Variants in RAB38 observed in about 807,000 individuals in gnomAD.
RAB38 encodes RAB38, member RAS oncogene family.
In RAB38, 15 loss-of-function variants were observed where a neutral mutation model predicts 18.4. The observed-to-expected ratio is 0.82, with a 90% confidence interval of 0.55 to 1.26. RAB38 has a LOEUF of 1.26. Ranked by LOEUF, RAB38 falls within the 50% of genes most tolerant of loss-of-function variation. RAB38 has a pLI of 0.00. For synonymous variants in RAB38, 101 were observed against 104.4 expected (o/e 0.97, Z 0.20); for missense variants, 294 against 267.4 (o/e 1.10, Z -0.69).
At chr11:88,067,591 G>A in the RAB38 span, among the ~76,000 whole-genome samples, 2 of 152,062 alleles carry the variant, frequency 1.3e-5, no homozygotes, top group African/African-American at 2.4e-5. Context: ...TCAATTATCA[G>A]TGATGTTATT....
chr11:87,953,687 C>G, the RAB38 span, among the ~76,000 whole-genome samples: 1 of 152,108 alleles, frequency 6.6e-6, no homozygotes, highest in Non-Finnish European at 1.5e-5. Context: ...GGGTTCAGTA[C>G]TATCTGCGGT....
At chr11:87,933,204 C>G in the RAB38 span, among the ~76,000 whole-genome samples, 1 of 152,100 alleles carries the variant, frequency 6.6e-6, no homozygotes, top group Non-Finnish European at 1.5e-5. Flanking sequence ...AATTAGTACT[C>G]AGGTAGAGAT....
chr11:87,842,486 G>A, the RAB38 span, among the ~76,000 whole-genome samples: 1 of 152,080 alleles, frequency 6.6e-6, no homozygotes, highest in East Asian at 1.9e-4. Flanking sequence ...TCGGAGAGGG[G>A]CCTTCGTTGT....
At chr11:88,089,762 A>G in the RAB38 span, among the ~76,000 whole-genome samples, 1 of 151,978 alleles carries the variant, frequency 6.6e-6, no homozygotes, top group African/African-American at 2.4e-5. Flanking sequence ...TCACACATAA[A>G]AAACGGCACA....
the RAB38 span, among the ~76,000 whole-genome samples, chr11:87,934,423 T>C: frequency 4.2e-3 from 635 of 152,274 alleles, 6 homozygotes; most frequent in African/African-American, 0.014. Context: ...AAATGAATTA[T>C]ATGCTAACCT....
the RAB38 span, among the ~76,000 whole-genome samples, chr11:87,889,516 T>C: frequency 6.6e-6 from 1 of 151,934 alleles, no homozygotes; most frequent in Non-Finnish European, 1.5e-5. Context: ...ATAATTATGA[T>C]CAGTAATAAT....
At chr11:88,077,131 G>C in the RAB38 span, among the ~76,000 whole-genome samples, 1 of 151,536 alleles carries the variant, frequency 6.6e-6, no homozygotes, top group Non-Finnish European at 1.5e-5. Context: ...AACACAATGA[G>C]AGAAATTGAA....
chr11:87,945,573 G>A, the RAB38 span, among the ~76,000 whole-genome samples: 1 of 152,080 alleles, frequency 6.6e-6, no homozygotes, highest in Non-Finnish European at 1.5e-5. Flanking sequence ...ATGTAGAAGA[G>A]TGAAGGAAAA....
the RAB38 span, among the ~76,000 whole-genome samples, chr11:88,027,867 G>A: frequency 6.6e-6 from 1 of 152,166 alleles, no homozygotes; most frequent in Non-Finnish European, 1.5e-5. Context: ...CAGCTTTGAA[G>A]AGAGCAGTGG....
the RAB38 span, among the ~76,000 whole-genome samples, chr11:87,909,334 TCTTA>T: frequency 0.72 from 108,958 of 151,422 alleles, 41,865 homozygotes; most frequent in East Asian, 0.88. Context: ...ACAGCACCTT[TCTTA>T]CTTCTCATAT....
chr11:88,029,327 A>G, the RAB38 span, among the ~76,000 whole-genome samples: 1 of 151,794 alleles, frequency 6.6e-6, no homozygotes. Context: ...TCAACTAACG[A>G]GCAAAATAAC....
the RAB38 span, chr11:88,100,248 A>G: frequency 6.6e-6 from 1 of 151,988 alleles, no homozygotes; most frequent in Non-Finnish European, 1.5e-5. Context: ...AATCCAACGA[A>G]AAAGAATAGT....
chr11:88,172,749 C>T (rs1448572238), intron 1 of RAB38, among the ~76,000 whole-genome samples: 1 of 152,194 alleles, frequency 6.6e-6, no homozygotes, highest in African/African-American at 2.4e-5. Context: ...ACCCACATGG[C>T]TCCCTATGCA....
the RAB38 span, among the ~76,000 whole-genome samples, chr11:88,085,872 G>T: frequency 6.6e-6 from 1 of 151,876 alleles, no homozygotes; most frequent in African/African-American, 2.4e-5. Flanking sequence ...TTTACAGAAG[G>T]AGAAGAGTTG....
At chr11:88,028,284 C>T in the RAB38 span, among the ~76,000 whole-genome samples, 1 of 152,234 alleles carries the variant, frequency 6.6e-6, no homozygotes, top group African/African-American at 2.4e-5. Flanking sequence ...GGGGAAAAAA[C>T]AGAACAGAAA....
At chr11:87,825,028 G>A in the RAB38 span, among the ~76,000 whole-genome samples, 6 of 151,118 alleles carry the variant, frequency 4.0e-5, no homozygotes, top group Non-Finnish European at 1.5e-5. Context: ...GTGTGTGTGA[G>A]AGAGAGAGAG....
At chr11:87,930,758 G>A in the RAB38 span, among the ~76,000 whole-genome samples, 1 of 152,068 alleles carries the variant, frequency 6.6e-6, no homozygotes, top group Admixed American at 6.6e-5. Context: ...TATAAGGAAG[G>A]GATCCAGTTT....
intron 1 of RAB38, among the ~76,000 whole-genome samples, chr11:88,151,177 C>G (rs541209144): frequency 6.6e-6 from 1 of 152,220 alleles, no homozygotes; most frequent in South Asian, 2.1e-4. Context: ...TGCAAATTGG[C>G]AATAATAATA....
chr11:88,076,980 G>GAAAAA, the RAB38 span, among the ~76,000 whole-genome samples: 1 of 62,564 alleles, frequency 1.6e-5, no homozygotes, highest in African/African-American at 6.8e-5. Context: ...AAAAAAGAAA[G>GAAAAA]AAAGAAAGAA....
Sources: gnomAD v4.1 joint callset for allele counts (sites outside exome capture counted in the v4.1 genomes callset) on GRCh38, gnomAD v4.1.1 for gene constraint, MANE v1.5 for transcripts, NCBI Gene and HGNC (gene_info 2026-07-23, HGNC 2026-07-21) for gene names.